IMMP2L: variants seen among roughly 807,000 people sequenced by gnomAD.
The protein encoded by IMMP2L is inner mitochondrial membrane peptidase subunit 2.
A neutral mutation model predicts 19.3 loss-of-function variants in IMMP2L; 18 were observed. The ratio of observed to expected loss-of-function variants is 0.93; its 90% CI spans 0.64 to 1.38. The LOEUF (loss-of-function observed/expected upper bound fraction) is 1.38. IMMP2L is among the 40% of genes most tolerant of loss of function. The pLI is 0.00. For synonymous variants in IMMP2L, 76 were observed against 73.0 expected (o/e 1.04, Z -0.21); for missense variants, 233 against 218.2 (o/e 1.07, Z -0.43).
intron 5 of IMMP2L, among the ~76,000 whole-genome samples, chr7:110,736,181 G>A (rs1179440720): frequency 6.6e-6 from 1 of 152,130 alleles, no homozygotes. Context: ...AGCTATGGGG[G>A]CTTGGCTACC....
At chr7:111,470,542 C>T (rs1282817167) in intron 3 of IMMP2L, among the ~76,000 whole-genome samples, 14 of 151,530 alleles carry the variant, frequency 9.2e-5, no homozygotes, top group Non-Finnish European at 1.6e-4. Context: ...ACTATGCAGC[C>T]ATAAAAAATG....
At chr7:111,024,504 A>G in intron 3 of IMMP2L, among the ~76,000 whole-genome samples, 1 of 152,110 alleles carries the variant, frequency 6.6e-6, no homozygotes, top group East Asian at 1.9e-4. Context: ...CCTCCTTTCT[A>G]TGCTGCATCT....
At chr7:110,897,500 T>A (rs1473708168) in intron 4 of IMMP2L, among the ~76,000 whole-genome samples, 1 of 152,126 alleles carries the variant, frequency 6.6e-6, no homozygotes, top group Non-Finnish European at 1.5e-5. Flanking sequence ...CTGGTAGAAA[T>A]AGGAAGAGTT....
chr7:110,786,093 T>C (rs1452769521), intron 5 of IMMP2L, among the ~76,000 whole-genome samples: 1 of 151,912 alleles, frequency 6.6e-6, no homozygotes, highest in East Asian at 1.9e-4. Flanking sequence ...ATATTAACAA[T>C]AAATATTATA....
At chr7:111,372,284 TA>T (rs1215304996) in intron 3 of IMMP2L, among the ~76,000 whole-genome samples, 5 of 151,770 alleles carry the variant, frequency 3.3e-5, no homozygotes, top group Non-Finnish European at 2.9e-5. Context: ...AAAATTAAAA[TA>T]AAAAATTTGA....
intron 3 of IMMP2L, among the ~76,000 whole-genome samples, chr7:111,112,773 C>T (rs1019351542): frequency 6.6e-5 from 10 of 152,214 alleles, no homozygotes; most frequent in Non-Finnish European, 1.3e-4. Flanking sequence ...CAGCCCACAT[C>T]GCTATTATCG....
At chr7:110,701,757 G>A (rs1398601668) in intron 5 of IMMP2L, among the ~76,000 whole-genome samples, 2 of 152,028 alleles carry the variant, frequency 1.3e-5, no homozygotes, top group Non-Finnish European at 2.9e-5. Flanking sequence ...TTTTAAAGAT[G>A]AGAAACTAGA....
chr7:110,993,040 C>T lies in IMMP2L; in HGVS notation c.240-29475G>A, dbSNP rs181689615. ...TCAACCTAATCTTGTTATATGAAAA[C>T]AAAATGTATATTGCACTTATTTTAA... On this transcript the variant is annotated intron_variant, in intron 3 of 5. Coordinates refer to ENST00000405709, the MANE Select transcript of IMMP2L (RefSeq NM_032549.4). 1.1e-4 allele frequency among the ~76,000 whole-genome samples: 17 copies of T among 152,184 alleles called. No individual in the cohort carries two copies. In the East Asian group the frequency reaches 3.3e-3, roughly 29 times the overall value.
intron 5 of IMMP2L, among the ~76,000 whole-genome samples, chr7:110,735,843 C>T (rs527588090): frequency 1.7e-3 from 76 of 44,480 alleles, no homozygotes; most frequent in African/African-American, 4.8e-3. Context: ...TCTCACTCTG[C>T]CTCAAAAAAA....
chr7:110,810,222 T>C (rs1331689605), intron 5 of IMMP2L, among the ~76,000 whole-genome samples: 1 of 152,092 alleles, frequency 6.6e-6, no homozygotes, highest in Non-Finnish European at 1.5e-5. Context: ...TTAATTCATT[T>C]ATCAATATTC....
chr7:110,920,958 T>A (rs1198802046), intron 4 of IMMP2L, among the ~76,000 whole-genome samples: 1 of 152,212 alleles, frequency 6.6e-6, no homozygotes. Context: ...TCATCAGTTT[T>A]TCCTGTGAAG....
intron 2 of IMMP2L, among the ~76,000 whole-genome samples, chr7:111,518,510 T>G (rs973321474): frequency 1.3e-5 from 2 of 152,066 alleles, no homozygotes; most frequent in African/African-American, 4.8e-5. Context: ...CTTCCAGAGA[T>G]CTCCACACCA....
chr7:111,395,985 G>T (rs1832828177), intron 3 of IMMP2L, among the ~76,000 whole-genome samples: 1 of 152,160 alleles, frequency 6.6e-6, no homozygotes, highest in South Asian at 2.1e-4. Context: ...GGAAACAACA[G>T]ATGCTGGTGA....
chr7:111,030,914 AT>A (rs1563176428), intron 3 of IMMP2L, among the ~76,000 whole-genome samples: 66 of 77,986 alleles, frequency 8.5e-4, no homozygotes, highest in African/African-American at 3.1e-3. Context: ...ATATATATAT[AT>A]ATATATATAT....
rs1554484433 is a variant in IMMP2L, at chr7:111,403,003, C to CA, written c.239+84234dup. ...CACTGCAGCCTTGACCCCCCCCCCC[C>CA]ACCCCGCCAGGCTCAGGTGATCCTC... On this transcript the variant is annotated intron_variant, in intron 3 of 5. Transcript: ENST00000405709. Among the ~76,000 whole-genome samples the CA allele has an allele frequency of 6.5e-5, 7 of 107,772 alleles. No homozygotes were observed. The East Asian group carries it at 9.9e-4, about 15-fold the overall frequency. 70.7% of individuals were successfully genotyped at this position (107,772 alleles called of 152,430 possible).
chr7:111,372,545 G>A (rs1163927551), intron 3 of IMMP2L, among the ~76,000 whole-genome samples: 3 of 151,968 alleles, frequency 2.0e-5, no homozygotes, highest in Non-Finnish European at 4.4e-5. Context: ...AGGCAGAGAA[G>A]AGAGATGGAG....
Position 111,205,362 on chromosome 7 carries a change from T to C in IMMP2L, c.240-241797A>G, listed in dbSNP as rs1484209466. Among the ~76,000 whole-genome samples, 3 of 152,282 alleles carry C rather than the reference T, an allele frequency of 2.0e-5. No homozygotes were observed. The East Asian group carries it at 5.8e-4, about 29-fold the overall frequency. ...CACATACATCAATAAGTGAAGCCCT[T>C]CACAGTGTTTTTACTTGGTTTGTTG... On this transcript the variant is annotated intron_variant, in intron 3 of 5. Coordinates refer to ENST00000405709, the MANE Select transcript of IMMP2L (RefSeq NM_032549.4).
chr7:111,281,209 A>G lies in IMMP2L; in HGVS notation c.239+206029T>C, dbSNP rs1308224028. 7.3e-4 allele frequency among the ~76,000 whole-genome samples: 39 copies of G among 53,256 alleles called. 1 individual carries two copies. The highest frequency in any genetic ancestry group is 2.8e-3 in the African/African-American group (38 of 13,494). 34.9% of individuals were successfully genotyped at this position (53,256 alleles called of 152,430 possible). A position where few individuals can be genotyped will look rare whatever the true frequency, so the allele number is the denominator to read the frequency against. On this transcript the variant is annotated intron_variant, in intron 3 of 5. Transcript: ENST00000405709. Reference sequence around the variant, plus strand: ...AAGAAAGAAAGAAAGAAAGAAAGAAAGAAAGAAAAAGAAAGAAAGAAAGAA... The same window carrying G: ...AAGAAAGAAAGAAAGAAAGAAAGAAGGAAAGAAAAAGAAAGAAAGAAAGAA...
intron 3 of IMMP2L, among the ~76,000 whole-genome samples, chr7:111,409,384 T>C (rs1834175382): frequency 6.6e-6 from 1 of 151,724 alleles, no homozygotes; most frequent in East Asian, 1.9e-4. Flanking sequence ...GGATAACATA[T>C]AACCATGAGT....
Sources: allele counts gnomAD v4.1 joint callset (sites outside exome capture counted in the v4.1 genomes callset), GRCh38; gene constraint gnomAD v4.1.1; transcripts MANE v1.5; gene names NCBI Gene and HGNC (gene_info 2026-07-23, HGNC 2026-07-21).